The following NOL4 variants were observed in gnomAD, a reference collection of about 807,000 sequenced individuals.
NOL4 encodes the protein nucleolar protein 4.
Under a neutral mutation model 75.9 loss-of-function variants are expected in NOL4, and 17 were observed. That is an observed-to-expected ratio of 0.22 (90% CI 0.15 to 0.34). NOL4 has a LOEUF of 0.34. Among genes scored for constraint, NOL4 ranks in the 10% least tolerant of loss-of-function variants. The pLI, the probability that NOL4 is intolerant of heterozygous loss-of-function variation, is 1.00. For missense variants in NOL4, 614 were observed against 793.5 expected, an observed-to-expected ratio of 0.77 and a Z score of 2.72; for synonymous variants, 292 against 289.9, an observed-to-expected ratio of 1.01 and a Z score of -0.07.
At chr18:33,909,239 T>A (rs916964144) in intron 9 of NOL4, among the ~76,000 whole-genome samples, 1 of 152,126 alleles carries the variant, frequency 6.6e-6, no homozygotes, top group African/African-American at 2.4e-5. Context: ...GAAAAGTATA[T>A]CTAAGCTTCT....
chr18:34,116,210 A>C (rs2079849266), intron 2 of NOL4, among the ~76,000 whole-genome samples: 1 of 152,292 alleles, frequency 6.6e-6, no homozygotes, highest in Admixed American at 6.5e-5. Flanking sequence ...TTAGTGATCC[A>C]GTGACAAACT....
intron 2 of NOL4, among the ~76,000 whole-genome samples, chr18:34,125,174 T>C (rs2080329105): frequency 6.6e-6 from 1 of 152,128 alleles, no homozygotes; most frequent in South Asian, 2.1e-4. Flanking sequence ...ATAGATTGAG[T>C]TCTAATTGTA....
At chr18:34,029,124 A>G (rs1168348607) in intron 5 of NOL4, among the ~76,000 whole-genome samples, 2 of 152,136 alleles carry the variant, frequency 1.3e-5, no homozygotes, top group Non-Finnish European at 2.9e-5. Flanking sequence ...GTCTTGGTGT[A>G]CAGTTATTCT....
chr18:34,049,067 GGCGCGC>G lies in NOL4; in HGVS notation c.773-29472_773-29467del, dbSNP rs536359117. ...TGTATCAACTTGAAGGTTAGATACA[GGCGCGC>G]GCACACACACACACACACACACACA... On this transcript the variant is annotated intron_variant, in intron 5 of 10. Transcript: ENST00000261592. Among the ~76,000 whole-genome samples, 3 of 127,680 alleles carry G rather than the reference GGCGCGC, an allele frequency of 2.3e-5. No individual in the cohort carries two copies. The Admixed American group carries it at 2.5e-4, about 11-fold the overall frequency. The allele number at this position is 127,680 out of a possible 152,430, so 83.8% of individuals were successfully genotyped here. A position where few individuals can be genotyped will look rare whatever the true frequency, so the allele number is the denominator to read the frequency against.
intron 6 of NOL4, among the ~76,000 whole-genome samples, chr18:34,012,848 C>A (rs1254302622): frequency 6.6e-6 from 1 of 151,950 alleles, no homozygotes. Flanking sequence ...GTATTAGATA[C>A]TATTCCTTTC....
At chr18:34,209,067 T>C (rs909433420) in intron 1 of NOL4, among the ~76,000 whole-genome samples, 1 of 150,340 alleles carries the variant, frequency 6.7e-6, no homozygotes, top group Non-Finnish European at 1.5e-5. Flanking sequence ...AAAAATTAGC[T>C]GGGCGTGATG....
In NOL4 at chr18:34,164,114, G is replaced by A. The variant is rs1001466848; in HGVS notation, c.265-34094C>T. On this transcript the variant is annotated intron_variant, in intron 1 of 10. Coordinates refer to ENST00000261592, the MANE Select transcript of NOL4 (RefSeq NM_003787.5). ...TCCAAGATGGATTAAAGACTTAGACGTTAGACCTAAAACCATAAAAACCCT... is the reference window on the plus strand; with the variant it reads ...TCCAAGATGGATTAAAGACTTAGACATTAGACCTAAAACCATAAAAACCCT... Among the ~76,000 whole-genome samples, 15 of 152,152 alleles carry A rather than the reference G, an allele frequency of 9.9e-5. 1 individual carries two copies. Among genetic ancestry groups the A allele is most frequent in the African/African-American group, 3.1e-4 (13 of 41,518 alleles).
chr18:34,201,289 A>G (rs980672355), intron 1 of NOL4, among the ~76,000 whole-genome samples: 1 of 151,842 alleles, frequency 6.6e-6, no homozygotes, highest in Admixed American at 6.6e-5. Context: ...TAAAAATCCC[A>G]TGAAGTAAGT....
chr18:34,215,162 G>GT lies in NOL4; in HGVS notation c.264+7827dup, dbSNP rs562364232. On this transcript the variant is annotated intron_variant, in intron 1 of 10. Coordinates refer to ENST00000261592, the MANE Select transcript of NOL4 (RefSeq NM_003787.5). ...TAATATGGTAACTTTTATGTTGTGT[G>GT]TTTTTTTTATCACAATTAAAACACA... 2.3e-4 allele frequency among the ~76,000 whole-genome samples: 35 copies of GT among 152,064 alleles called. 1 individual carries two copies. The highest frequency in any genetic ancestry group is 3.4e-3 in the Middle Eastern group (1 of 294).
intron 6 of NOL4, among the ~76,000 whole-genome samples, chr18:33,975,269 T>C (rs982791583): frequency 2.0e-5 from 3 of 152,244 alleles, no homozygotes; most frequent in African/African-American, 7.2e-5. Flanking sequence ...TGTAGTTAAC[T>C]GTACACTTAA....
chr18:33,976,978 T>C (rs2071540218), intron 6 of NOL4, among the ~76,000 whole-genome samples: 1 of 152,130 alleles, frequency 6.6e-6, no homozygotes, highest in African/African-American at 2.4e-5. Context: ...TACTCTTAGG[T>C]TGCATATAGA....
intron 5 of NOL4, among the ~76,000 whole-genome samples, chr18:34,068,866 C>G (rs1229739664): frequency 6.6e-6 from 1 of 151,956 alleles, no homozygotes; most frequent in Non-Finnish European, 1.5e-5. Context: ...TTTGGCAACT[C>G]AAAGATGAAC....
In NOL4 at chr18:34,197,415, A is replaced by G. The variant is rs915835939; in HGVS notation, c.264+25575T>C. 2.2e-4 allele frequency among the ~76,000 whole-genome samples: 34 copies of G among 152,042 alleles called. 1 individual carries two copies. The highest frequency in any genetic ancestry group is 2.2e-3 in the Admixed American group (33 of 15,246). ...ACTTGTCTACGGTAAACACAGATGT[A>G]TAGGCTGATAATACCATGAAAGAAC... On this transcript the variant is annotated intron_variant, in intron 1 of 10. Transcript: ENST00000261592.
chr18:33,933,508 A>C (rs1213102724), intron 9 of NOL4, among the ~76,000 whole-genome samples: 2 of 152,152 alleles, frequency 1.3e-5, no homozygotes, highest in Non-Finnish European at 2.9e-5. Flanking sequence ...TTCTTTCAAA[A>C]TGGGAGTCAA....
chr18:33,979,321 T>G (rs1204190103), intron 6 of NOL4, among the ~76,000 whole-genome samples: 1 of 152,086 alleles, frequency 6.6e-6, no homozygotes, highest in African/African-American at 2.4e-5. Context: ...TATGACAATA[T>G]TCTTTACAGT....
intron 5 of NOL4, among the ~76,000 whole-genome samples, chr18:34,062,785 C>T (rs2077119062): frequency 1.3e-5 from 2 of 152,044 alleles, no homozygotes; most frequent in South Asian, 2.1e-4. Context: ...GACTTTTATA[C>T]TAGCAGATAG....
chr18:34,069,955 C>G (rs939490531), intron 5 of NOL4, among the ~76,000 whole-genome samples: 5 of 152,362 alleles, frequency 3.3e-5, no homozygotes, highest in Admixed American at 3.3e-4. Flanking sequence ...TAAGATACCC[C>G]AGTTCTAGGT....
At chr18:34,157,261 G>A (rs559266295) in intron 1 of NOL4, 1 of 151,514 alleles carries the variant, frequency 6.6e-6, no homozygotes, top group East Asian at 1.9e-4. Context: ...TAAGCTTCAT[G>A]ACACTGTCTG....
chr18:33,862,751 C>A (rs11659508), intron 10 of NOL4, among the ~76,000 whole-genome samples: 19,824 of 152,180 alleles, frequency 0.13, 1,423 homozygotes, highest in Non-Finnish European at 0.17. Flanking sequence ...GAATGGCAAT[C>A]ATTAAAAAGT....
Sources: gnomAD v4.1 joint callset for allele counts (sites outside exome capture counted in the v4.1 genomes callset) on GRCh38, gnomAD v4.1.1 for gene constraint, MANE v1.5 for transcripts, NCBI Gene and HGNC (gene_info 2026-07-23, HGNC 2026-07-21) for gene names.